ABRAXAS1: variants seen among roughly 807,000 people sequenced by gnomAD.
The protein encoded by ABRAXAS1 is BRCA1-A complex subunit Abraxas 1.
Under a neutral mutation model 38.4 loss-of-function variants are expected in ABRAXAS1, and 26 were observed. That is an observed-to-expected ratio of 0.68 (90% CI 0.50 to 0.94). ABRAXAS1 has a LOEUF of 0.94. ABRAXAS1 is among the 40% of genes least tolerant of loss of function. The pLI is 0.00. For missense variants in ABRAXAS1, 438 were observed against 481.9 expected (o/e 0.91, Z 0.85); for synonymous variants, 144 against 165.5 (o/e 0.87, Z 1.00).
intron 5 of ABRAXAS1, 177 bp from the exon 6 acceptor site, chr4:83,469,328 T>A (rs998351969): frequency 1.3e-5 from 8 of 598,982 alleles, no homozygotes; most frequent in Non-Finnish European, 2.3e-5. Context: ...TTTTTTTTTT[T>A]TTTGAGACAG....
At chr4:83,473,563 T>G (rs2110042389) in intron 3 of ABRAXAS1, among the ~76,000 whole-genome samples, 1 of 152,120 alleles carries the variant, frequency 6.6e-6, no homozygotes, top group East Asian at 2.0e-4. Flanking sequence ...ACTGCATAAT[T>G]TTTTTTGAGA....
rs765721350 is a variant in ABRAXAS1 at position 83,472,270 on chromosome 4, G to A, written c.234C>T (p.Gly78=). Residue 78 remains glycine (G), a synonymous_variant, in exon 4 of 9, where the codon GGC becomes GGT. Coordinates refer to ENST00000321945, the MANE Select transcript of ABRAXAS1 (RefSeq NM_139076.3). The part of the protein sequence containing the change: ...YQLFSFYNSS[G]EVNEQALKKI... ...TCTTCAGTGCTTGCTCATTTACTTC[G>A]CCTGAAGAATTATAAAAGCTGTAAA... 21 of 1,519,838 alleles carry A rather than the reference G, an allele frequency of 1.4e-5. No individual in the cohort carries two copies. The highest frequency in any genetic ancestry group is 1.8e-4 in the Middle Eastern group (1 of 5,544). The allele number at this position is 1,519,838 out of a possible 1,614,324, so 94.1% of individuals were successfully genotyped here. A position where few individuals can be genotyped will look rare whatever the true frequency, so the allele number is the denominator to read the frequency against.
intron 6 of ABRAXAS1, 105 bp from the exon 7 acceptor site, chr4:83,467,643 G>T: frequency 1.5e-6 from 1 of 651,360 alleles, no homozygotes; most frequent in Non-Finnish European, 2.7e-6. Context: ...CTTTTTACTG[G>T]TTTTGTAGGA....
chr4:83,463,350 T>A lies in ABRAXAS1; in HGVS notation c.796+144A>T, dbSNP rs545362940. 1.2e-4 allele frequency: 62 copies of A among 509,332 alleles called. No individual in the cohort carries two copies. The East Asian group carries it at 1.9e-3, about 16-fold the overall frequency. The allele number at this position is 509,332 out of a possible 1,614,324, so 31.6% of individuals were successfully genotyped here. On this transcript the variant is annotated intron_variant, in intron 8 of 8. Coordinates refer to ENST00000321945, the MANE Select transcript of ABRAXAS1 (RefSeq NM_139076.3). ...CAGGAGGCTGAGGCAGGAGAATCGC[T>A]TGACCCCAGGAGGCAGAGGTTGCAG...
intron 3 of ABRAXAS1, among the ~76,000 whole-genome samples, chr4:83,473,274 G>C (rs892648340): frequency 6.6e-6 from 1 of 152,024 alleles, no homozygotes; most frequent in African/African-American, 2.4e-5. Flanking sequence ...AGCAGTCTCT[G>C]TCATCTATTT....
At chr4:83,476,614 A>G in intron 3 of ABRAXAS1, 29 bp downstream of exon 3, 1 of 1,448,044 alleles carries the variant, frequency 6.9e-7, no homozygotes, top group Non-Finnish European at 9.7e-7. Flanking sequence ...TTCACAATGG[A>G]TCATTTACTT....
intron 3 of ABRAXAS1, among the ~76,000 whole-genome samples, chr4:83,473,246 C>G (rs1722646179): frequency 2.0e-5 from 3 of 152,146 alleles, no homozygotes; most frequent in Non-Finnish European, 2.9e-5. Flanking sequence ...CACTACTGCA[C>G]TCCAGGCTGG....
chr4:83,480,165 T>C (rs1262931294), intron 2 of ABRAXAS1: 3 of 229,422 alleles, frequency 1.3e-5, no homozygotes, highest in African/African-American at 2.4e-5. Context: ...GGTCAGGAGT[T>C]CGAGACCAGC....
At chr4:83,472,389 C>CCATA in intron 3 of ABRAXAS1, 101 bp from the exon 4 acceptor site, 1 of 580,768 alleles carries the variant, frequency 1.7e-6, no homozygotes. Context: ...CTACCAAAGC[C>CCATA]CATATACCTA....
rs1005154968 is a variant in ABRAXAS1, at chr4:83,477,921, T to C, written c.179-1242A>G. ...GTGTCAGGGGTGATATTTTCCACTATAGCCAATCCCACCGATGTTCTAAAG... is the reference window on the plus strand; with the variant it reads ...GTGTCAGGGGTGATATTTTCCACTACAGCCAATCCCACCGATGTTCTAAAG... On this transcript the variant is annotated intron_variant, in intron 2 of 8. Transcript: ENST00000321945. 3.8e-5 allele frequency: 30 copies of C among 791,270 alleles called. 1 individual carries two copies. The highest frequency in any genetic ancestry group is 1.2e-4 in the South Asian group (9 of 75,668). 49.0% of individuals were successfully genotyped at this position (791,270 alleles called of 1,614,324 possible). A position where few individuals can be genotyped will look rare whatever the true frequency, so the allele number is the denominator to read the frequency against.
Position 83,462,586 on chromosome 4 carries a change from T to C in ABRAXAS1, c.1113A>G (p.Lys371=), listed in dbSNP as rs1204035867. The C allele has an allele frequency of 1.2e-6, 2 of 1,614,066 alleles. No homozygotes were observed. Among genetic ancestry groups the C allele is most frequent in the Non-Finnish European group, 1.7e-6 (2 of 1,180,026 alleles). Residue 371 remains lysine (K), a synonymous_variant, in exon 9 of 9, where the codon AAA becomes AAG. Transcript: ENST00000321945. ...CTTGGTTACTACTACCAGTATCTGC[T>C]TTAGATCGTTTGTCTTGTGTATCTA... is the stretch of plus-strand genomic sequence containing the variant. ...RLLDTQDKRS[K]ADTGSSNQDK...
At chr4:83,478,864 G>T (rs1463893386) in intron 2 of ABRAXAS1, 1 of 152,522 alleles carries the variant, frequency 6.6e-6, no homozygotes, top group Non-Finnish European at 1.5e-5. Flanking sequence ...ATTAGCATAT[G>T]TATAAAACAT....
chr4:83,479,503 C>T (rs549836100), intron 2 of ABRAXAS1: 1 of 151,874 alleles, frequency 6.6e-6, no homozygotes, highest in South Asian at 2.1e-4. Flanking sequence ...ATCAGCTAGT[C>T]TACCTCCAGG....
intron 2 of ABRAXAS1, chr4:83,480,397 C>T (rs1722954887): frequency 2.4e-6 from 1 of 419,872 alleles, no homozygotes; most frequent in Admixed American, 2.7e-5. Context: ...TGTATATATA[C>T]ACATATATAT....
In ABRAXAS1 at chr4:83,467,439, G is replaced by C. The variant is rs1578126254; in HGVS notation, c.681+15C>G. 1.5e-6 allele frequency: 2 copies of C among 1,348,732 alleles called. No individual in the cohort carries two copies. Among genetic ancestry groups the C allele is most frequent in the East Asian group, 2.3e-5 (1 of 43,396 alleles). 83.5% of individuals were successfully genotyped at this position (1,348,732 alleles called of 1,614,324 possible). A position where few individuals can be genotyped will look rare whatever the true frequency, so the allele number is the denominator to read the frequency against. Reference sequence around the variant, plus strand: ...CTATCTAGAAGTGGTTGACGTGTTTGATATGTTAACTTACCTTTAATTCCT... The same window carrying C: ...CTATCTAGAAGTGGTTGACGTGTTTCATATGTTAACTTACCTTTAATTCCT... On this transcript the variant is annotated intron_variant, in intron 7 of 8. Coordinates refer to ENST00000321945, the MANE Select transcript of ABRAXAS1 (RefSeq NM_139076.3).
intron 1 of ABRAXAS1, chr4:83,483,923 G>A: frequency 1.5e-5 from 9 of 615,514 alleles, no homozygotes; most frequent in Non-Finnish European, 1.8e-5. Context: ...TATTTTAAAT[G>A]GTCATATATT....
At position 83,461,688 on chromosome 4, in the gene ABRAXAS1, T is replaced by A. The variant is rs1321983222; in HGVS notation, c.*781A>T. ...ATTGAATATGATAGACATACATGTA[T>A]ATATGTATCAGTTCTGAGTTCCACT... On this transcript the variant is annotated 3_prime_UTR_variant, in exon 9 of 9. Coordinates refer to ENST00000321945, the MANE Select transcript of ABRAXAS1 (RefSeq NM_139076.3). 1 of 247,950 alleles carries A rather than the reference T, an allele frequency of 4.0e-6. No individual in the cohort carries two copies. Among genetic ancestry groups the A allele is most frequent in the Non-Finnish European group, 8.0e-6 (1 of 125,708 alleles). 15.4% of individuals were successfully genotyped at this position (247,950 alleles called of 1,614,324 possible). A position where few individuals can be genotyped will look rare whatever the true frequency, so the allele number is the denominator to read the frequency against.
rs149066637 is a variant in ABRAXAS1 at position 83,464,363 on chromosome 4, C to A, written c.682-755G>T. On this transcript the variant is annotated intron_variant, in intron 7 of 8. Coordinates refer to ENST00000321945, the MANE Select transcript of ABRAXAS1 (RefSeq NM_139076.3). ...GAAACTACTTTTGAAAAGCAGATCA[C>A]TTCTGTGTGTCTTTAGTTTTAAAAG... 1.1e-3 allele frequency among the ~76,000 whole-genome samples: 165 copies of A among 152,238 alleles called. 2 individuals carry two copies. The highest frequency in any genetic ancestry group is 3.7e-3 in the African/African-American group (155 of 41,550).
chr4:83,476,792 G>C lies in ABRAXAS1; in HGVS notation c.179-113C>G, dbSNP rs192661950. On this transcript the variant is annotated intron_variant, in intron 2 of 8. Coordinates refer to ENST00000321945, the MANE Select transcript of ABRAXAS1 (RefSeq NM_139076.3). Reference sequence around the variant, plus strand: ...GGAAGTACTTTACCACTGATTATCTGATTTTTATCCTCACAACAAATCTGC... The same window carrying C: ...GGAAGTACTTTACCACTGATTATCTCATTTTTATCCTCACAACAAATCTGC... 7.1e-4 allele frequency: 456 copies of C among 641,298 alleles called. 1 individual carries two copies. The highest frequency in any genetic ancestry group is 1.1e-3 in the Non-Finnish European group (398 of 358,272). The allele number at this position is 641,298 out of a possible 1,614,324, so 39.7% of individuals were successfully genotyped here. A position where few individuals can be genotyped will look rare whatever the true frequency, so the allele number is the denominator to read the frequency against.
Sources: allele counts gnomAD v4.1 joint callset (sites outside exome capture counted in the v4.1 genomes callset), GRCh38; gene constraint gnomAD v4.1.1; transcripts MANE v1.5; gene names NCBI Gene and HGNC (gene_info 2026-07-23, HGNC 2026-07-21).